Variants in INCENP observed in about 807,000 individuals in gnomAD.
INCENP encodes the protein inner centromere protein.
In INCENP, 43 loss-of-function variants were observed where a neutral mutation model predicts 107.3. The observed-to-expected ratio is 0.40, with a 90% CI of 0.31 to 0.52. INCENP has a LOEUF of 0.52. Ranked by LOEUF, INCENP falls within the 20% of genes least tolerant of loss-of-function variation. The pLI is 0.53. For synonymous variants in INCENP, 488 were observed against 494.4 expected, an observed-to-expected ratio of 0.99 and a Z score of 0.17; for missense variants, 1,089 against 1,250.9, an observed-to-expected ratio of 0.87 and a Z score of 1.95.
chr11:62,148,649 G>C, intron 16 of INCENP, 90 bp from the exon 17 acceptor site: 1 of 1,374,272 alleles, frequency 7.3e-7, no homozygotes, highest in African/African-American at 1.4e-5. Flanking sequence ...GGAGGGGAGG[G>C]AAAGGGAGGA....
At chr11:62,146,265 C>A (rs1429529711) in intron 14 of INCENP, among the ~76,000 whole-genome samples, 1 of 152,178 alleles carries the variant, frequency 6.6e-6, no homozygotes, top group Non-Finnish European at 1.5e-5. Context: ...TCACCAAGGT[C>A]AGTTATTTAC....
Position 62,130,470 on chromosome 11 carries a change from C to G in INCENP, c.943C>G (p.Pro315Ala), listed in dbSNP as rs1484819298. ...HSPIAPSSPS[P>A]QVLAQKYSLV... ...CCCGATCGCCCCGTCTTCCCCGAGT[C>G]CCCAAGTCTTAGCCCAGAAGTACTC... Residue 315 changes from proline (P) to alanine (A), a missense_variant, in exon 4 of 19, where the codon CCC (proline) becomes GCC (alanine). Pro to Ala is a conservative substitution (Grantham distance 27). Coordinates refer to ENST00000394818, the MANE Select transcript of INCENP (RefSeq NM_001040694.2). The G allele has an allele frequency of 6.2e-7, 1 of 1,614,136 alleles. No individual in the cohort carries two copies. The highest frequency in any genetic ancestry group is 8.5e-7 in the Non-Finnish European group (1 of 1,180,038).
At position 62,138,768 on chromosome 11, in the gene INCENP, G is replaced by A. The variant is rs1470266210; in HGVS notation, c.1171G>A (p.Glu391Lys). Residue 391 changes from glutamate to lysine, a missense_variant and splice_region_variant, in exon 6 of 19, where the codon GAG becomes AAG. Coordinates refer to ENST00000394818, the MANE Select transcript of INCENP (RefSeq NM_001040694.2). ...EAEPVAAAEP[E>K]VPENNGNNSW... is the part of the protein sequence containing the mutation. ...TGAGCCTGTGGCGGCAGCTGAGCCA[G>A]AGGTAAGACGGCTGCCTGGGGAAGG... 1.9e-6 allele frequency: 3 copies of A among 1,613,952 alleles called. No individual in the cohort carries two copies. Among genetic ancestry groups the A allele is most frequent in the East Asian group, 4.5e-5 (2 of 44,902 alleles).
At chr11:62,138,473 G>C (rs556636912) in intron 5 of INCENP, among the ~76,000 whole-genome samples, 1 of 152,360 alleles carries the variant, frequency 6.6e-6, no homozygotes, top group East Asian at 1.9e-4. Context: ...AGACAGCTCT[G>C]TGGTGGGGTG....
intron 11 of INCENP, among the ~76,000 whole-genome samples, chr11:62,143,212 T>TCTCTGTCCAGGGTCGCC (rs1457601753): frequency 1.1e-4 from 16 of 151,896 alleles, no homozygotes; most frequent in African/African-American, 2.2e-4. Flanking sequence ...TTGGCAGCTT[T>TCTCTGTCCAGGGTCGCC]TCTTCAACTG....
At chr11:62,144,678 AT>A in intron 11 of INCENP, 1 of 668,054 alleles carries the variant, frequency 1.5e-6, no homozygotes, top group Non-Finnish European at 2.8e-6. Flanking sequence ...TGTAGTTGTC[AT>A]TAGCACATAA....
chr11:62,128,046 G>C (rs1943793774), intron 1 of INCENP, 105 bp from the exon 2 acceptor site: 1 of 1,126,706 alleles, frequency 8.9e-7, no homozygotes, highest in African/African-American at 1.5e-5. Flanking sequence ...TCGGGCACTG[G>C]GTGTTTGTGG....
At chr11:62,134,096 G>A (rs931382604) in intron 4 of INCENP, among the ~76,000 whole-genome samples, 1 of 152,218 alleles carries the variant, frequency 6.6e-6, no homozygotes, top group Non-Finnish European at 1.5e-5. Context: ...CTCCCAGCTA[G>A]GAAGAAGCCG....
intron 2 of INCENP, 31 bp from the exon 3 acceptor site, chr11:62,128,739 C>G (rs747113489): frequency 6.7e-7 from 1 of 1,499,986 alleles, no homozygotes; most frequent in South Asian, 1.1e-5. Flanking sequence ...TCCCAGGCAG[C>G]CTCGAGTGAC....
intron 16 of INCENP, 71 bp from the exon 17 acceptor site, chr11:62,148,643 GGGAGGGAAAGGGAGGAGAATGGAGC>G: frequency 6.9e-7 from 1 of 1,447,298 alleles, no homozygotes; most frequent in Non-Finnish European, 9.5e-7. Context: ...GCCTAGGGAG[GGGAGGGAAAGGGAGGAGAATGGAGC>G]GGAGGGAAGG....
chr11:62,141,539 C>T, intron 11 of INCENP, 28 bp downstream of exon 11: 1 of 1,613,940 alleles, frequency 6.2e-7, no homozygotes, highest in Non-Finnish European at 8.5e-7. Flanking sequence ...CTGTCGGTAA[C>T]CTCGCCCCAC....
At chr11:62,148,580 C>A (rs1235600611) in intron 16 of INCENP, 26 bp downstream of exon 16, 1 of 1,587,168 alleles carries the variant, frequency 6.3e-7, no homozygotes, top group South Asian at 1.1e-5. Context: ...TTGCGGGCTC[C>A]CCTGGGGTCT....
intron 4 of INCENP, among the ~76,000 whole-genome samples, chr11:62,136,792 C>G (rs1008923458): frequency 6.6e-6 from 1 of 152,226 alleles, no homozygotes; most frequent in South Asian, 2.1e-4. Flanking sequence ...GTTTGATGCT[C>G]TGGCCTTGAC....
At chr11:62,139,831 A>T (rs577914531) in intron 7 of INCENP, among the ~76,000 whole-genome samples, 1 of 152,262 alleles carries the variant, frequency 6.6e-6, no homozygotes, top group South Asian at 2.1e-4. Context: ...TGGGTGGGGC[A>T]CGTCTGGGGC....
intron 14 of INCENP, 44 bp downstream of exon 14, chr11:62,145,795 G>A (rs1314020873): frequency 6.5e-7 from 1 of 1,536,252 alleles, no homozygotes; most frequent in African/African-American, 1.4e-5. Context: ...GGCGGGGTGG[G>A]CGCTGTCTCA....
At chr11:62,145,598 T>A (rs753762857) in intron 13 of INCENP, 31 bp from the exon 14 acceptor site, 1 of 1,581,424 alleles carries the variant, frequency 6.3e-7, no homozygotes, top group Non-Finnish European at 8.6e-7. Context: ...ATGTGGGTGC[T>A]CCAATGGGCA....
chr11:62,148,599 C>T, intron 16 of INCENP, 45 bp downstream of exon 16: 1 of 1,564,852 alleles, frequency 6.4e-7, no homozygotes, highest in East Asian at 2.3e-5. Context: ...CTGCCCTGAG[C>T]TGTGGGCGGG....
At chr11:62,135,218 C>T (rs1355375741) in intron 4 of INCENP, among the ~76,000 whole-genome samples, 1 of 152,036 alleles carries the variant, frequency 6.6e-6, no homozygotes, top group Non-Finnish European at 1.5e-5. Flanking sequence ...AATCTGAAAC[C>T]ATGTTGCTGA....
intron 1 of INCENP, among the ~76,000 whole-genome samples, chr11:62,125,520 T>C (rs1258808154): frequency 6.6e-6 from 1 of 152,220 alleles, no homozygotes; most frequent in Admixed American, 6.5e-5. Flanking sequence ...TTGCCCATGA[T>C]TGGCTGGCTG....
Sources: allele counts gnomAD v4.1 joint callset (sites outside exome capture counted in the v4.1 genomes callset), GRCh38; gene constraint gnomAD v4.1.1; transcripts MANE v1.5; gene names NCBI Gene and HGNC (gene_info 2026-07-23, HGNC 2026-07-21).